Variants in CSMD1 observed in about 807,000 individuals in gnomAD.
CSMD1 encodes the protein CUB and Sushi multiple domains 1.
CSMD1 carries 213 observed loss-of-function variants against 417.5 expected under a neutral mutation model. The ratio of observed to expected loss-of-function variants is 0.51; its 90% CI spans 0.46 to 0.57. The LOEUF is 0.57. CSMD1 is among the 20% of genes least tolerant of loss of function. CSMD1 has a pLI of 0.00. For missense variants in CSMD1, 6,923 were observed against 4,529.7 expected (o/e 1.53, Z -15.17); for synonymous variants, 2,862 against 1,736.8 (o/e 1.65, Z -16.11).
chr8:3,908,420 G>A (rs1435274971), intron 5 of CSMD1, among the ~76,000 whole-genome samples: 21 of 152,114 alleles, frequency 1.4e-4, no homozygotes, highest in Admixed American at 1.0e-3. Flanking sequence ...CTGTGGGAAT[G>A]TAAGCACAAA....
chr8:4,411,522 G>C (rs1796648951), intron 3 of CSMD1, among the ~76,000 whole-genome samples: 3 of 152,138 alleles, frequency 2.0e-5, no homozygotes, highest in South Asian at 2.1e-4. Context: ...ATTATCATCA[G>C]ACATTTCTTA....
chr8:3,239,452 G>A (rs2081277), intron 26 of CSMD1, among the ~76,000 whole-genome samples: 43,655 of 152,052 alleles, frequency 0.29, 6,841 homozygotes, highest in East Asian at 0.56. Flanking sequence ...CTTATCCAGT[G>A]AAAGTGTCTA....
intron 3 of CSMD1, among the ~76,000 whole-genome samples, chr8:4,276,603 T>C (rs1204148502): frequency 6.6e-6 from 1 of 152,106 alleles, no homozygotes; most frequent in Non-Finnish European, 1.5e-5. Flanking sequence ...AAAATAAATT[T>C]AATAAAAAAA....
chr8:4,713,772 G>C (rs182336248), intron 1 of CSMD1, among the ~76,000 whole-genome samples: 1 of 152,178 alleles, frequency 6.6e-6, no homozygotes, highest in African/African-American at 2.4e-5. Flanking sequence ...GTTCTGAGAA[G>C]CTTGGGCTGG....
intron 2 of CSMD1, among the ~76,000 whole-genome samples, chr8:4,504,823 T>A (rs1444160586): frequency 6.6e-6 from 1 of 152,226 alleles, no homozygotes; most frequent in African/African-American, 2.4e-5. Flanking sequence ...CATTATTTTT[T>A]ATGGCTGCAT....
chr8:4,508,145 A>G lies in CSMD1; in HGVS notation c.303-88080T>C, dbSNP rs1481902933. On this transcript the variant is annotated intron_variant, in intron 2 of 69. Transcript: ENST00000635120. ...CAGTGAAATTGCAGATGTAGGAGGC[A>G]GGGGAAGAGGTAATATTTTTTTTTT... 2.7e-5 allele frequency among the ~76,000 whole-genome samples: 3 copies of G among 112,760 alleles called. No individual in the cohort carries two copies. The Admixed American group carries it at 3.4e-4, about 13-fold the overall frequency. 74.0% of individuals were successfully genotyped at this position (112,760 alleles called of 152,430 possible).
chr8:3,153,368 C>G (rs576450080), intron 39 of CSMD1, among the ~76,000 whole-genome samples: 1 of 152,304 alleles, frequency 6.6e-6, no homozygotes, highest in Admixed American at 6.5e-5. Flanking sequence ...TATGGAGTAA[C>G]CATTCTTTTG....
chr8:3,430,817 A>G (rs1814172374), intron 12 of CSMD1, among the ~76,000 whole-genome samples: 1 of 152,148 alleles, frequency 6.6e-6, no homozygotes, highest in Admixed American at 6.5e-5. Flanking sequence ...AACAACAACA[A>G]CAAAAAAATT....
chr8:3,433,053 G>A (rs1006124568), intron 12 of CSMD1, among the ~76,000 whole-genome samples: 3 of 152,170 alleles, frequency 2.0e-5, no homozygotes, highest in Non-Finnish European at 4.4e-5. Flanking sequence ...CTTGAAAACT[G>A]TGTCATAGCA....
At chr8:4,889,060 T>A (rs1421400094) in intron 1 of CSMD1, among the ~76,000 whole-genome samples, 1 of 152,108 alleles carries the variant, frequency 6.6e-6, no homozygotes, top group East Asian at 1.9e-4. Context: ...AGGATGAATA[T>A]GTGGTAAGCC....
chr8:3,913,908 A>C (rs2627389), intron 5 of CSMD1, among the ~76,000 whole-genome samples: 1 of 152,180 alleles, frequency 6.6e-6, no homozygotes, highest in African/African-American at 2.4e-5. Context: ...CCAGCTGTAT[A>C]AAGTCCAGTT....
intron 46 of CSMD1, among the ~76,000 whole-genome samples, chr8:3,104,650 G>C (rs914627480): frequency 3.3e-5 from 5 of 151,686 alleles, no homozygotes; most frequent in East Asian, 1.9e-4. Context: ...AGGGTGCCTG[G>C]AATCCTGCCT....
intron 3 of CSMD1, among the ~76,000 whole-genome samples, chr8:4,354,660 G>A (rs558442092): frequency 5.3e-5 from 8 of 151,890 alleles, no homozygotes; most frequent in Admixed American, 2.0e-4. Flanking sequence ...CATCTATGCA[G>A]AATTTAAAAT....
intron 3 of CSMD1, among the ~76,000 whole-genome samples, chr8:4,353,347 CT>C (rs1801208928): frequency 6.6e-6 from 1 of 152,106 alleles, no homozygotes; most frequent in Non-Finnish European, 1.5e-5. Context: ...TTTGCTCCTC[CT>C]TTGCCTTCCA....
Position 3,575,088 on chromosome 8 carries a change from G to T in CSMD1, c.1223-22C>A, listed in dbSNP as rs548360572. ...CTCGCTGGAAACACATAGAAACGAC[G>T]TTATTTTCTACAACATTGTGTCAGT... On this transcript the variant is annotated intron_variant, in intron 9 of 69. Coordinates refer to ENST00000635120, the MANE Select transcript of CSMD1 (RefSeq NM_033225.6). The T allele has an allele frequency of 1.9e-6, 3 of 1,607,836 alleles. No homozygotes were observed. The African/African-American group carries it at 4.0e-5, about 22-fold the overall frequency.
intron 3 of CSMD1, among the ~76,000 whole-genome samples, chr8:4,173,166 G>C (rs931407126): frequency 1.3e-5 from 2 of 152,098 alleles, no homozygotes; most frequent in Admixed American, 6.5e-5. Flanking sequence ...TTATAATAGC[G>C]CATAAAAATA....
At chr8:4,902,655 A>G (rs1047614742) in intron 1 of CSMD1, among the ~76,000 whole-genome samples, 29 of 152,156 alleles carry the variant, frequency 1.9e-4, no homozygotes, top group African/African-American at 6.5e-4. Context: ...CTTTTATGGC[A>G]TATACTTTAA....
intron 10 of CSMD1, among the ~76,000 whole-genome samples, chr8:3,558,971 T>G (rs747560306): frequency 6.6e-6 from 1 of 152,096 alleles, no homozygotes; most frequent in South Asian, 2.1e-4. Context: ...AGAATTGGAA[T>G]GAAAAGATAA....
intron 18 of CSMD1, among the ~76,000 whole-genome samples, chr8:3,373,073 C>T (rs1212437272): frequency 1.3e-5 from 2 of 152,168 alleles, no homozygotes; most frequent in East Asian, 1.9e-4. Context: ...ACTGAGATAT[C>T]TTATATCCAA....
Sources: allele counts gnomAD v4.1 joint callset (sites outside exome capture counted in the v4.1 genomes callset), GRCh38; gene constraint gnomAD v4.1.1; transcripts MANE v1.5; gene names NCBI Gene and HGNC (gene_info 2026-07-23, HGNC 2026-07-21).